The following TBC1D1 variants were observed in gnomAD, a reference collection of about 807,000 sequenced individuals.
The protein encoded by TBC1D1 is TBC1 (tre-2/USP6, BUB2, cdc16) domain family, member 1.
Under a neutral mutation model 125.6 loss-of-function variants are expected in TBC1D1, and 89 were observed. That is an observed-to-expected ratio of 0.71 (90% CI 0.60 to 0.85). The LOEUF is 0.85. Among genes scored for constraint, TBC1D1 ranks in the 40% least tolerant of loss-of-function variants. The pLI, the probability that TBC1D1 is intolerant of heterozygous loss-of-function variation, is 0.00. For synonymous variants in TBC1D1, 565 were observed against 564.1 expected (o/e 1.00, Z -0.02); for missense variants, 1,377 against 1,469.2 (o/e 0.94, Z 1.03).
intron 2 of TBC1D1, among the ~76,000 whole-genome samples, chr4:37,979,363 T>G (rs181160962): frequency 6.7e-4 from 102 of 152,360 alleles, no homozygotes; most frequent in Middle Eastern, 3.4e-3. Flanking sequence ...TAACGTGTTA[T>G]CCTGTGAAAG....
chr4:38,010,707 T>G (rs1458143903), intron 2 of TBC1D1, among the ~76,000 whole-genome samples: 3 of 152,150 alleles, frequency 2.0e-5, no homozygotes, highest in African/African-American at 7.2e-5. Flanking sequence ...CACCACCAAA[T>G]CCTGTTAGTC....
intron 4 of TBC1D1, among the ~76,000 whole-genome samples, chr4:38,018,849 G>A (rs1430965330): frequency 2.0e-5 from 3 of 151,520 alleles, no homozygotes; most frequent in African/African-American, 7.3e-5. Flanking sequence ...GGTACCAATT[G>A]TCAGTATTCT....
chr4:37,918,920 G>A (rs1720311629), intron 2 of TBC1D1, among the ~76,000 whole-genome samples: 1 of 152,032 alleles, frequency 6.6e-6, no homozygotes, highest in Non-Finnish European at 1.5e-5. Flanking sequence ...TTATGAAAAT[G>A]TTCATTAGCA....
rs773983834 is a variant in TBC1D1 at position 38,014,739 on chromosome 4, G to A, written c.648G>A (p.Pro216=). 5.8e-6 allele frequency: 5 copies of A among 856,024 alleles called. No individual in the cohort carries two copies. The highest frequency in any genetic ancestry group is 1.3e-5 in the South Asian group (1 of 77,126). 53.0% of individuals were successfully genotyped at this position (856,024 alleles called of 1,614,324 possible). Residue 216 remains proline, a synonymous_variant, in exon 3 of 20, where the codon CCG becomes CCA. Coordinates refer to ENST00000261439, the MANE Select transcript of TBC1D1 (RefSeq NM_015173.4). This position sits in a 1 kb window ranked among gnomAD's most constrained non-coding sequence, Gnocchi z 5.1. ...GGTCCGAGAGCCCCCGCCCCAACCC[G>A]CCCCATGCCGCGCCCACAGGGAGCC... is the stretch of plus-strand genomic sequence containing the variant.
At chr4:37,984,795 AT>A (rs1339626233) in intron 2 of TBC1D1, among the ~76,000 whole-genome samples, 2 of 150,686 alleles carry the variant, frequency 1.3e-5, no homozygotes, top group African/African-American at 4.9e-5. Context: ...GTGAGCCAAG[AT>A]TGTGCCACTG....
intron 2 of TBC1D1, among the ~76,000 whole-genome samples, chr4:37,916,485 G>A (rs926539374): frequency 1.3e-5 from 2 of 152,146 alleles, no homozygotes; most frequent in Non-Finnish European, 2.9e-5. Flanking sequence ...GACTGAAGCA[G>A]AGCTGCTGTT....
intron 15 of TBC1D1, among the ~76,000 whole-genome samples, chr4:38,106,915 A>C (rs1013687561): frequency 6.6e-6 from 1 of 152,022 alleles, no homozygotes; most frequent in Non-Finnish European, 1.5e-5. Flanking sequence ...AGCCCGGTCC[A>C]CTGGCAGGGC....
At chr4:37,942,269 A>G (rs990562466) in intron 2 of TBC1D1, among the ~76,000 whole-genome samples, 8 of 152,084 alleles carry the variant, frequency 5.3e-5, no homozygotes, top group Non-Finnish European at 1.0e-4. Context: ...TCCCTTTACC[A>G]TTATGTAATG....
At chr4:38,008,705 C>G (rs1740861054) in intron 2 of TBC1D1, among the ~76,000 whole-genome samples, 1 of 152,182 alleles carries the variant, frequency 6.6e-6, no homozygotes, top group Admixed American at 6.5e-5. Context: ...TTAATCTGAC[C>G]TGTTGTCTAA....
At chr4:37,975,409 G>A (rs1391390382) in intron 2 of TBC1D1, among the ~76,000 whole-genome samples, 1 of 152,222 alleles carries the variant, frequency 6.6e-6, no homozygotes, top group Non-Finnish European at 1.5e-5. Context: ...AGCATCACAG[G>A]GAGATGGTTA....
chr4:38,003,742 C>T (rs1018451282), intron 2 of TBC1D1, among the ~76,000 whole-genome samples: 1 of 152,002 alleles, frequency 6.6e-6, no homozygotes, highest in African/African-American at 2.4e-5. Flanking sequence ...GTGGCATGCA[C>T]CTGCAGTTCC....
At chr4:38,008,969 A>G (rs1046495220) in intron 2 of TBC1D1, among the ~76,000 whole-genome samples, 1 of 152,216 alleles carries the variant, frequency 6.6e-6, no homozygotes, top group Non-Finnish European at 1.5e-5. Context: ...CTGCTGCATA[A>G]TATGAATGTT....
At chr4:38,123,400 G>C (rs1184443793) in intron 17 of TBC1D1, among the ~76,000 whole-genome samples, 2 of 152,166 alleles carry the variant, frequency 1.3e-5, no homozygotes, top group Non-Finnish European at 2.9e-5. Context: ...CTTTGTTATA[G>C]TATTATTTTA....
At chr4:38,065,631 T>C (rs888247460) in intron 12 of TBC1D1, among the ~76,000 whole-genome samples, 1 of 150,378 alleles carries the variant, frequency 6.6e-6, no homozygotes, top group Non-Finnish European at 1.5e-5. Context: ...ATGATCCCCA[T>C]AGGTATTACC....
rs563277214 is a variant in TBC1D1 at position 38,014,375 on chromosome 4, C to G, written c.418-134C>G. The stretch of plus-strand genomic sequence containing the variant: ...TCCTAGTCCCCTCCCGTGGGCTCCT[C>G]CTCCAGTGGGCTCCTCCTCCAGTGC... On this transcript the variant is annotated intron_variant, in intron 2 of 19. Coordinates refer to ENST00000261439, the MANE Select transcript of TBC1D1 (RefSeq NM_015173.4). This position sits in a 1 kb window ranked among gnomAD's most constrained non-coding sequence, Gnocchi z 5.1. 1.3e-6 allele frequency: 1 copy of G among 787,614 alleles called. No individual in the cohort carries two copies. The highest frequency in any genetic ancestry group is 1.7e-5 in the African/African-American group (1 of 58,222). 48.8% of individuals were successfully genotyped at this position (787,614 alleles called of 1,614,324 possible).
chr4:37,921,784 C>A (rs1721056217), intron 2 of TBC1D1, among the ~76,000 whole-genome samples: 3 of 151,936 alleles, frequency 2.0e-5, no homozygotes, highest in Non-Finnish European at 2.9e-5. Context: ...GTGGCACAAT[C>A]ATAGCTCACT....
At chr4:37,919,449 G>A (rs1720456949) in intron 2 of TBC1D1, among the ~76,000 whole-genome samples, 2 of 151,306 alleles carry the variant, frequency 1.3e-5, no homozygotes, top group African/African-American at 4.9e-5. Flanking sequence ...GCCTCCCAAA[G>A]TGCTGGGATT....
intron 2 of TBC1D1, among the ~76,000 whole-genome samples, chr4:37,903,987 C>T (rs765954263): frequency 3.3e-5 from 5 of 152,176 alleles, no homozygotes; most frequent in South Asian, 2.1e-4. Flanking sequence ...CAAGTGGGCA[C>T]GGCAGCATCA....
intron 2 of TBC1D1, among the ~76,000 whole-genome samples, chr4:37,942,123 G>A (rs1197059124): frequency 6.6e-6 from 1 of 152,158 alleles, no homozygotes; most frequent in African/African-American, 2.4e-5. Flanking sequence ...TGACAGTGGG[G>A]TGTTAAAGTC....
Sources: allele counts gnomAD v4.1 joint callset (sites outside exome capture counted in the v4.1 genomes callset), GRCh38; gene constraint gnomAD v4.1.1; non-coding constraint Gnocchi (gnomAD v3.1); transcripts MANE v1.5; gene names NCBI Gene and HGNC (gene_info 2026-07-23, HGNC 2026-07-21).